The following SLC17A3 variants were observed in gnomAD, a reference collection of about 807,000 sequenced individuals.
SLC17A3 encodes solute carrier family 17 member 3, also known as sodium-dependent phosphate transport protein 4.
SLC17A3 carries 61 observed loss-of-function variants against 60.3 expected under a neutral mutation model. The ratio of observed to expected loss-of-function variants is 1.01; its 90% CI spans 0.82 to 1.25. The LOEUF (loss-of-function observed/expected upper bound fraction) is 1.25. Among genes scored for constraint, SLC17A3 ranks in the 50% most tolerant of loss-of-function variants. The pLI is 0.00. For synonymous variants in SLC17A3, 192 were observed against 208.9 expected, an observed-to-expected ratio of 0.92 and a Z score of 0.70; for missense variants, 624 against 594.9, an observed-to-expected ratio of 1.05 and a Z score of -0.51.
chr6:25,871,397 C>A (rs1454573930), intron 1 of SLC17A3, among the ~76,000 whole-genome samples: 1 of 150,988 alleles, frequency 6.6e-6, no homozygotes, highest in East Asian at 2.0e-4. Flanking sequence ...GGACAAAAAA[C>A]CAAACACTGC....
chr6:25,863,992 G>A (rs557079131), intron 2 of SLC17A3, among the ~76,000 whole-genome samples: 1 of 152,118 alleles, frequency 6.6e-6, no homozygotes, highest in African/African-American at 2.4e-5. Flanking sequence ...ATCAAATAAT[G>A]TATTAGAAGG....
intron 2 of SLC17A3, 52 bp downstream of exon 2, chr6:25,868,245 A>G (rs1765570290): frequency 7.7e-7 from 1 of 1,297,480 alleles, no homozygotes; most frequent in Admixed American, 1.7e-5. Context: ...ATACGTTGAC[A>G]AAAAGAATTC....
At chr6:25,866,101 C>T (rs544830603) in intron 2 of SLC17A3, among the ~76,000 whole-genome samples, 10 of 152,048 alleles carry the variant, frequency 6.6e-5, no homozygotes, top group Middle Eastern at 3.4e-3. Context: ...GGGGCCAGGA[C>T]CTTTCACTTG....
Position 25,862,041 on chromosome 6 carries a change from A to G in SLC17A3, c.304-12T>C. 6.3e-7 allele frequency: 1 copy of G among 1,582,536 alleles called. No individual in the cohort carries two copies. The highest frequency in any genetic ancestry group is 8.6e-7 in the Non-Finnish European group (1 of 1,160,340). On this transcript the variant is annotated splice_polypyrimidine_tract_variant and intron_variant, in intron 3 of 12. Coordinates refer to ENST00000397060, the MANE Select transcript of SLC17A3 (RefSeq NM_001098486.2). The stretch of plus-strand genomic sequence containing the variant: ...TCATACACAGGAGCCTTAGAGAAAC[A>G]GAGAATGCTGTAGTAAACCTTACAC...
At chr6:25,848,691 C>A (rs1350873220) in intron 11 of SLC17A3, among the ~76,000 whole-genome samples, 2 of 152,098 alleles carry the variant, frequency 1.3e-5, no homozygotes, top group Non-Finnish European at 1.5e-5. Context: ...CCGGCTTAGG[C>A]AAGGATTTCA....
Position 25,850,843 on chromosome 6 carries a change from A to C in SLC17A3, c.747T>G (p.Phe249Leu), listed in dbSNP as rs1203767309. 6.2e-7 allele frequency: 1 copy of C among 1,614,120 alleles called. No individual in the cohort carries two copies. Among genetic ancestry groups the C allele is most frequent in the South Asian group, 1.1e-5 (1 of 91,080 alleles). Residue 249 changes from phenylalanine to leucine, a missense_variant, in exon 7 of 13, where the codon TTT becomes TTG. Transcript: ENST00000397060. ...AAACGGGGTCATCATAAATCACAACAAACCAGAGAAGGCAGCAGACACAGC... is the reference window on the plus strand; with the variant it reads ...AAACGGGGTCATCATAAATCACAACCAACCAGAGAAGGCAGCAGACACAGC... ...GVGCVCCLLW[F>L]VVIYDDPVSY...
chr6:25,850,746 T>C lies in SLC17A3; in HGVS notation c.831+13A>G. The C allele has an allele frequency of 6.2e-7, 1 of 1,609,686 alleles. No homozygotes were observed. Among genetic ancestry groups the C allele is most frequent in the Non-Finnish European group, 8.5e-7 (1 of 1,175,904 alleles). ...ACAAGGTCTCAGAAAAGTGTTGGTG[T>C]CTTTATATGTACCTGTTGTTTCAAG... On this transcript the variant is annotated intron_variant, in intron 7 of 12. Coordinates refer to ENST00000397060, the MANE Select transcript of SLC17A3 (RefSeq NM_001098486.2).
chr6:25,868,557 T>C (rs1318763984), intron 1 of SLC17A3, 137 bp from the exon 2 acceptor site: 1 of 634,148 alleles, frequency 1.6e-6, no homozygotes, highest in East Asian at 2.8e-5. Context: ...CATTATCCCC[T>C]CTTGGCTCAA....
intron 6 of SLC17A3, among the ~76,000 whole-genome samples, chr6:25,853,047 A>G (rs1352171606): frequency 6.6e-6 from 1 of 152,176 alleles, no homozygotes; most frequent in African/African-American, 2.4e-5. Flanking sequence ...TGTAAGACTA[A>G]TAATTTCTCA....
Position 25,845,215 on chromosome 6 carries a change from T to C in SLC17A3, c.*86A>G. 1 of 675,108 alleles carries C rather than the reference T, an allele frequency of 1.5e-6. No homozygotes were observed. The highest frequency in any genetic ancestry group is 2.4e-6 in the Non-Finnish European group (1 of 409,510). 41.8% of individuals were successfully genotyped at this position (675,108 alleles called of 1,614,324 possible). A position where few individuals can be genotyped will look rare whatever the true frequency, so the allele number is the denominator to read the frequency against. Reference sequence around the variant, plus strand: ...GAAAAGAGCCACAGGAAAAAAAAAATCTTTTCACTGGTATTTTCATCACGG... The same window carrying C: ...GAAAAGAGCCACAGGAAAAAAAAAACCTTTTCACTGGTATTTTCATCACGG... On this transcript the variant is annotated 3_prime_UTR_variant, in exon 13 of 13. Transcript: ENST00000397060.
intron 1 of SLC17A3, among the ~76,000 whole-genome samples, chr6:25,872,370 T>G (rs1454125223): frequency 6.7e-6 from 1 of 150,144 alleles, no homozygotes; most frequent in East Asian, 2.0e-4. Flanking sequence ...AATTTGGGCT[T>G]AATTTATTGT....
Position 25,861,694 on chromosome 6 carries a change from A to T in SLC17A3, c.555T>A (p.Gly185=). ...CCCACTTTTCCCAAATTGCAAACTG[A>T]CCCCCAAGTATTGAGGACTGAAATT... ...QGLSQSSILG[G]QFAIWEKWGP... is the part of the protein sequence containing the mutation. The change falls in exon 5 of 13, where the codon GGT becomes GGA. Residue 185 remains glycine (G), a synonymous_variant. Coordinates refer to ENST00000397060, the MANE Select transcript of SLC17A3 (RefSeq NM_001098486.2). 1 of 1,613,850 alleles carries T rather than the reference A, an allele frequency of 6.2e-7. No homozygotes were observed. Among genetic ancestry groups the T allele is most frequent in the Non-Finnish European group, 8.5e-7 (1 of 1,179,838 alleles).
intron 8 of SLC17A3, 32 bp from the exon 9 acceptor site, chr6:25,850,209 A>C: frequency 6.2e-7 from 1 of 1,606,180 alleles, no homozygotes. Context: ...AATTACCATA[A>C]TAAAGGCAGT....
At chr6:25,863,395 A>C (rs1461170095) in intron 2 of SLC17A3, among the ~76,000 whole-genome samples, 1 of 152,094 alleles carries the variant, frequency 6.6e-6, no homozygotes, top group African/African-American at 2.4e-5. Flanking sequence ...AGAGCAAATA[A>C]AATATAAAAT....
chr6:25,862,796 G>T (rs1471922080), intron 2 of SLC17A3, among the ~76,000 whole-genome samples: 2 of 131,052 alleles, frequency 1.5e-5, no homozygotes, highest in Admixed American at 1.5e-4. Flanking sequence ...TATATGAAAA[G>T]AAAATATATA....
chr6:25,871,068 G>A (rs1213654537), intron 1 of SLC17A3, among the ~76,000 whole-genome samples: 1 of 152,006 alleles, frequency 6.6e-6, no homozygotes, highest in Non-Finnish European at 1.5e-5. Flanking sequence ...AACCATTGTG[G>A]AAGTCAGTGT....
intron 2 of SLC17A3, among the ~76,000 whole-genome samples, chr6:25,866,373 T>C (rs911644003): frequency 2.6e-5 from 4 of 151,976 alleles, no homozygotes; most frequent in Admixed American, 6.6e-5. Context: ...TCCAACAACC[T>C]GAATAAGCCT....
At chr6:25,866,132 G>T (rs1433272357) in intron 2 of SLC17A3, among the ~76,000 whole-genome samples, 2 of 151,902 alleles carry the variant, frequency 1.3e-5, no homozygotes, top group Non-Finnish European at 2.9e-5. Flanking sequence ...ACAGAATACG[G>T]CAAAGGTGAT....
rs533990395 is a variant in SLC17A3, at chr6:25,869,217, G to C, written c.-33-797C>G. On this transcript the variant is annotated intron_variant, in intron 1 of 12. Transcript: ENST00000397060. ...AATACTAGGATCTTCAATGCCCAAGGAGATTTTTATGTGTTACTATGTGTA... is the reference window on the plus strand; with the variant it reads ...AATACTAGGATCTTCAATGCCCAAGCAGATTTTTATGTGTTACTATGTGTA... 2.6e-5 allele frequency among the ~76,000 whole-genome samples: 4 copies of C among 152,022 alleles called. No individual in the cohort carries two copies. The East Asian group carries it at 7.8e-4, about 30-fold the overall frequency.
Sources: allele counts gnomAD v4.1 joint callset (sites outside exome capture counted in the v4.1 genomes callset), GRCh38; gene constraint gnomAD v4.1.1; transcripts MANE v1.5; gene names NCBI Gene and HGNC (gene_info 2026-07-23, HGNC 2026-07-21).